Variants in UGT1A8 observed in about 807,000 individuals in gnomAD.
UGT1A8 encodes UDP-glucuronosyltransferase 1A8.
In UGT1A8, 39 loss-of-function variants were observed where a neutral mutation model predicts 45.3. The observed-to-expected ratio is 0.86, with a 90% CI of 0.67 to 1.12. The LOEUF is 1.12. Among genes scored for constraint, UGT1A8 ranks in the 50% most tolerant of loss-of-function variants. The probability of loss-of-function intolerance (pLI) is 0.00; values close to 1 mark genes in which losing one functional copy is unlikely to be tolerated. For synonymous variants in UGT1A8, 275 were observed against 249.2 expected (o/e 1.10, Z -0.97); for missense variants, 719 against 664.9 (o/e 1.08, Z -0.90).
chr2:233,738,020 A>T (rs1165451282), intron 1 of UGT1A8, among the ~76,000 whole-genome samples: 1 of 152,034 alleles, frequency 6.6e-6, no homozygotes, highest in East Asian at 1.9e-4. Context: ...TTGAATTGTA[A>T]TCCCCATAAT....
chr2:233,747,514 T>C, intron 1 of UGT1A8: 2 of 1,607,704 alleles, frequency 1.2e-6, no homozygotes, highest in Non-Finnish European at 1.7e-6. Context: ...CAACTGTACT[T>C]TGAAACAGAA....
intron 1 of UGT1A8, chr2:233,719,342 G>T (rs1239122112): frequency 6.2e-7 from 1 of 1,613,870 alleles, no homozygotes. Flanking sequence ...TTTTTTGGAG[G>T]TACATTCCAT....
At chr2:233,686,264 G>C (rs1414310653) in intron 1 of UGT1A8, among the ~76,000 whole-genome samples, 1 of 149,158 alleles carries the variant, frequency 6.7e-6, no homozygotes, top group African/African-American at 2.5e-5. Flanking sequence ...TTTTTTTCTT[G>C]TACCAAAAGT....
At chr2:233,672,562 C>G in intron 1 of UGT1A8, 1 of 1,613,900 alleles carries the variant, frequency 6.2e-7, no homozygotes, top group Non-Finnish European at 8.5e-7. Flanking sequence ...AGTACGGAAC[C>G]ACATCATGCA....
chr2:233,686,882 T>A (rs1440121885), intron 1 of UGT1A8, among the ~76,000 whole-genome samples: 1 of 152,212 alleles, frequency 6.6e-6, no homozygotes, highest in Non-Finnish European at 1.5e-5. Context: ...TTTTTCTGCA[T>A]GATTCCTGCC....
intron 1 of UGT1A8, among the ~76,000 whole-genome samples, chr2:233,720,721 CTT>C (rs1479620216): frequency 1.4e-5 from 1 of 71,278 alleles, no homozygotes; most frequent in Non-Finnish European, 3.0e-5. Context: ...TTTTTTTTTT[CTT>C]GAGACTGAGC....
intron 1 of UGT1A8, among the ~76,000 whole-genome samples, chr2:233,724,861 A>T (rs2077325347): frequency 7.8e-6 from 1 of 128,420 alleles, no homozygotes; most frequent in African/African-American, 3.4e-5. Context: ...TGGGAGGTGT[A>T]GGTTGTAGTG....
chr2:233,620,680 T>C (rs1330131864), intron 1 of UGT1A8, among the ~76,000 whole-genome samples: 1 of 152,168 alleles, frequency 6.6e-6, no homozygotes, highest in East Asian at 1.9e-4. Context: ...ATATTTATGA[T>C]TATATGCATA....
Position 233,712,532 on chromosome 2 carries a change from A to G in UGT1A8, c.856-54502A>G, listed in dbSNP as rs541231437. Among the ~76,000 whole-genome samples, 17 of 152,328 alleles carry G rather than the reference A, an allele frequency of 1.1e-4. No homozygotes were observed. The South Asian group carries it at 3.5e-3, about 32-fold the overall frequency. The stretch of plus-strand genomic sequence containing the variant: ...GCATTTTGGATGTGCTGTGTTACCC[A>G]TATGTGGGAAGAAAGAGTATTAAGA... On this transcript the variant is annotated intron_variant, in intron 1 of 4. Coordinates refer to ENST00000373450, the MANE Select transcript of UGT1A8 (RefSeq NM_019076.5).
chr2:233,649,167 C>T, intron 1 of UGT1A8: 1 of 472,008 alleles, frequency 2.1e-6, no homozygotes. Context: ...TTGTGCCATC[C>T]ACGTGTTTGT....
intron 1 of UGT1A8, among the ~76,000 whole-genome samples, chr2:233,675,832 A>T (rs551333925): frequency 1.3e-5 from 2 of 152,336 alleles, no homozygotes; most frequent in African/African-American, 4.8e-5. Context: ...TCCATCACTG[A>T]ACAATTCATT....
rs2072941827 is a variant in UGT1A8, at chr2:233,618,357, A to G, written c.650A>G (p.His217Arg). The change falls in exon 1 of 5, where the codon CAT becomes CGT. Residue 217 changes from histidine to arginine, a missense_variant. Physicochemically the swap from His to Arg is conservative, Grantham distance 29 (BLOSUM62 0). Transcript: ENST00000373450. The part of the protein sequence containing the change: ...VRNHIMHLEE[H>R]LFCQYFSKNA... ...AACCACATCATGCACTTGGAGGAAC[A>G]TTTATTTTGCCAGTATTTTTCCAAA... is the stretch of plus-strand genomic sequence containing the variant. 4 of 1,613,914 alleles carry G rather than the reference A, an allele frequency of 2.5e-6. No homozygotes were observed. The highest frequency in any genetic ancestry group is 1.3e-5 in the African/African-American group (1 of 75,026).
intron 1 of UGT1A8, among the ~76,000 whole-genome samples, chr2:233,622,382 T>C (rs2073024720): frequency 6.6e-6 from 1 of 152,212 alleles, no homozygotes; most frequent in African/African-American, 2.4e-5. Flanking sequence ...CCACATCCTC[T>C]CCAGCATCTG....
In UGT1A8 at chr2:233,632,450, A is replaced by T. The variant is rs573494322; in HGVS notation, c.855+13888A>T. Among the ~76,000 whole-genome samples the T allele has an allele frequency of 1.9e-4, 29 of 152,266 alleles. 1 individual carries two copies. The South Asian group carries it at 2.7e-3, about 14-fold the overall frequency. ...CAGTACGGCCATTTTCACAATATTG[A>T]TTCTTCCTATCCATGAGCATGGAAT... On this transcript the variant is annotated intron_variant, in intron 1 of 4. Coordinates refer to ENST00000373450, the MANE Select transcript of UGT1A8 (RefSeq NM_019076.5).
At chr2:233,652,035 G>T (rs1194903044) in intron 1 of UGT1A8, among the ~76,000 whole-genome samples, 2 of 152,086 alleles carry the variant, frequency 1.3e-5, no homozygotes, top group Admixed American at 6.5e-5. Flanking sequence ...TTAGTTTTTG[G>T]TGAGTTCCAG....
At chr2:233,626,230 G>T (rs1052989219) in intron 1 of UGT1A8, among the ~76,000 whole-genome samples, 1 of 151,956 alleles carries the variant, frequency 6.6e-6, no homozygotes, top group Non-Finnish European at 1.5e-5. Flanking sequence ...GCCCATAAGG[G>T]TTCATGTTGT....
chr2:233,724,359 C>T (rs1387977005), intron 1 of UGT1A8, among the ~76,000 whole-genome samples: 12 of 146,792 alleles, frequency 8.2e-5, no homozygotes, highest in South Asian at 2.3e-4. Context: ...ACCTCCCTCC[C>T]GGACGGGGTG....
chr2:233,770,941 G>T (rs1295256111), intron 4 of UGT1A8: 1 of 152,168 alleles, frequency 6.6e-6, no homozygotes, highest in African/African-American at 2.4e-5. Flanking sequence ...GGCTGCCGGG[G>T]GAACCTCAGG....
chr2:233,672,025 G>T, intron 1 of UGT1A8: 3 of 1,614,188 alleles, frequency 1.9e-6, no homozygotes, highest in South Asian at 1.1e-5. Flanking sequence ...GCTACTGGTA[G>T]TGCCCATGGA....
Sources: gnomAD v4.1 joint callset for allele counts (sites outside exome capture counted in the v4.1 genomes callset) on GRCh38, gnomAD v4.1.1 for gene constraint, MANE v1.5 for transcripts, NCBI Gene and HGNC (gene_info 2026-07-23, HGNC 2026-07-21) for gene names.